Variants in JMY observed in about 807,000 individuals in gnomAD.
JMY encodes the protein junction mediating and regulatory protein, p53 cofactor.
JMY carries 46 observed loss-of-function variants against 103.3 expected under a neutral mutation model. The ratio of observed to expected loss-of-function variants is 0.45; its 90% CI spans 0.35 to 0.57. JMY has a LOEUF of 0.57. JMY is among the 20% of genes least tolerant of loss of function. JMY has a pLI of 0.00. For missense variants in JMY, 1,238 were observed against 1,255.2 expected, an observed-to-expected ratio of 0.99 and a Z score of 0.21; for synonymous variants, 526 against 489.3, an observed-to-expected ratio of 1.07 and a Z score of -0.99.
intron 1 of JMY, among the ~76,000 whole-genome samples, chr5:79,245,990 T>G (rs186757255): frequency 1.3e-5 from 2 of 152,168 alleles, no homozygotes. Context: ...TTAATATTGC[T>G]AGTGTTTTTA....
At chr5:79,299,093 C>T (rs577103495) in intron 4 of JMY, among the ~76,000 whole-genome samples, 5 of 152,324 alleles carry the variant, frequency 3.3e-5, no homozygotes, top group South Asian at 2.1e-4. Flanking sequence ...TTGTTCCTCT[C>T]GTCTCCTCCT....
rs758905889 is a variant in JMY, at chr5:79,291,123, T to C, written c.1358-7T>C. On this transcript the variant is annotated splice_polypyrimidine_tract_variant and splice_region_variant and intron_variant, in intron 3 of 10. Transcript: ENST00000396137. ...GTCTTAATTTCTCTTTAAAAAATTATTAATAGCTGTGTATGATCGAATGCG... is the reference window on the plus strand; with the variant it reads ...GTCTTAATTTCTCTTTAAAAAATTACTAATAGCTGTGTATGATCGAATGCG... The C allele has an allele frequency of 5.9e-5, 92 of 1,547,280 alleles. No homozygotes were observed. Among genetic ancestry groups the C allele is most frequent in the Non-Finnish European group, 7.4e-5 (85 of 1,151,016 alleles).
At chr5:79,284,866 T>G in intron 2 of JMY, 1 of 1,569,650 alleles carries the variant, frequency 6.4e-7, no homozygotes, top group East Asian at 2.2e-5. Context: ...CACTTTCTTC[T>G]TGGCCCCCTT....
chr5:79,302,655 C>A (rs1328681638), intron 6 of JMY, among the ~76,000 whole-genome samples: 1 of 152,146 alleles, frequency 6.6e-6, no homozygotes, highest in East Asian at 1.9e-4. Context: ...GGGCGGGGAC[C>A]AAGTTATGGG....
chr5:79,275,071 T>C (rs909417896), intron 1 of JMY, among the ~76,000 whole-genome samples: 1 of 152,142 alleles, frequency 6.6e-6, no homozygotes, highest in African/African-American at 2.4e-5. Context: ...CACTGTTCTC[T>C]GGCTTTCTAG....
intron 6 of JMY, among the ~76,000 whole-genome samples, chr5:79,302,279 T>TG (rs2112108984): frequency 6.6e-6 from 1 of 152,254 alleles, no homozygotes; most frequent in East Asian, 1.9e-4. Context: ...TTTTTGAAAA[T>TG]GCTATGCAAT....
At chr5:79,240,375 A>G (rs953106125) in intron 1 of JMY, among the ~76,000 whole-genome samples, 8 of 151,282 alleles carry the variant, frequency 5.3e-5, no homozygotes, top group African/African-American at 1.9e-4. Context: ...TACTGGTGCA[A>G]TCTCAGCTCA....
chr5:79,290,459 A>G lies in JMY; in HGVS notation c.1357+188A>G, dbSNP rs139079191. Among the ~76,000 whole-genome samples the G allele has an allele frequency of 5.9e-3, 892 of 151,992 alleles. 8 individuals are homozygous for G. Among genetic ancestry groups the G allele is most frequent in the African/African-American group, 0.02 (851 of 41,556 alleles). On this transcript the variant is annotated intron_variant, in intron 3 of 10. Coordinates refer to ENST00000396137, the MANE Select transcript of JMY (RefSeq NM_152405.5). ...TTCATAGATACATATATTTAAATAT[A>G]TATAATTTAAATATGAATAGTAAAT...
chr5:79,315,786 A>C (rs1747199316), intron 9 of JMY, among the ~76,000 whole-genome samples: 1 of 152,130 alleles, frequency 6.6e-6, no homozygotes, highest in South Asian at 2.1e-4. Flanking sequence ...TACCAACAGT[A>C]CCCACCATGG....
intron 1 of JMY, among the ~76,000 whole-genome samples, chr5:79,242,670 G>A (rs1034809549): frequency 6.6e-6 from 1 of 152,078 alleles, no homozygotes; most frequent in Non-Finnish European, 1.5e-5. Context: ...GTGGCCTGTT[G>A]GGGTTCTTAA....
At chr5:79,248,448 A>G (rs1744974563) in intron 1 of JMY, among the ~76,000 whole-genome samples, 3 of 151,448 alleles carry the variant, frequency 2.0e-5, no homozygotes, top group African/African-American at 7.3e-5. Context: ...CTGGGGTTAC[A>G]GGTGCGTGCT....
chr5:79,251,130 A>G (rs1292033544), intron 1 of JMY, among the ~76,000 whole-genome samples: 1 of 152,170 alleles, frequency 6.6e-6, no homozygotes, highest in Non-Finnish European at 1.5e-5. Context: ...GAAAAAAGTC[A>G]AGTTATTTGA....
intron 6 of JMY, among the ~76,000 whole-genome samples, chr5:79,304,381 T>TTG (rs1394461884): frequency 1.3e-5 from 2 of 152,202 alleles, no homozygotes; most frequent in Non-Finnish European, 2.9e-5. Flanking sequence ...CCAAGGTCAC[T>TTG]GGCTTCTTGG....
At chr5:79,286,505 T>C (rs1002037385) in intron 2 of JMY, among the ~76,000 whole-genome samples, 1 of 151,986 alleles carries the variant, frequency 6.6e-6, no homozygotes, top group African/African-American at 2.4e-5. Flanking sequence ...TAGCCGGGTG[T>C]GGTGGCGTGC....
intron 1 of JMY, among the ~76,000 whole-genome samples, chr5:79,261,216 C>G (rs1418139808): frequency 1.3e-5 from 2 of 152,062 alleles, no homozygotes; most frequent in Non-Finnish European, 2.9e-5. Context: ...GCTCCAAGAT[C>G]TTTACCCTGA....
At chr5:79,308,895 C>CT (rs1294763920) in intron 7 of JMY, among the ~76,000 whole-genome samples, 3 of 151,896 alleles carry the variant, frequency 2.0e-5, no homozygotes, top group Non-Finnish European at 4.4e-5. Context: ...TCTTGTACAC[C>CT]TTTTGTAAGA....
intron 1 of JMY, among the ~76,000 whole-genome samples, chr5:79,263,112 T>C (rs1745473631): frequency 1.3e-5 from 2 of 152,198 alleles, no homozygotes; most frequent in South Asian, 4.1e-4. Context: ...TGGCACCATT[T>C]TTTTCCCCTC....
chr5:79,300,107 T>A (rs1041061113), intron 4 of JMY, 46 bp from the exon 5 acceptor site: 1 of 1,557,626 alleles, frequency 6.4e-7, no homozygotes. Flanking sequence ...CTCAATTTTC[T>A]TGTCCCCACC....
chr5:79,298,572 T>A (rs1580363101), intron 4 of JMY, among the ~76,000 whole-genome samples: 2 of 152,384 alleles, frequency 1.3e-5, no homozygotes, highest in South Asian at 4.1e-4. Flanking sequence ...AAACCCACTT[T>A]GGGGTTATAT....
Sources: allele counts gnomAD v4.1 joint callset (sites outside exome capture counted in the v4.1 genomes callset), GRCh38; gene constraint gnomAD v4.1.1; transcripts MANE v1.5; gene names NCBI Gene and HGNC (gene_info 2026-07-23, HGNC 2026-07-21).